The following COL5A2 variants were observed in gnomAD, a reference collection of about 807,000 sequenced individuals.
COL5A2 encodes the protein collagen type V alpha 2 chain.
In COL5A2, 23 loss-of-function variants were observed where a neutral mutation model predicts 208.2. That is an observed-to-expected ratio of 0.11 (90% CI 0.08 to 0.16). COL5A2 has a LOEUF of 0.16. COL5A2 is among the 10% of genes least tolerant of loss of function. The probability of loss-of-function intolerance (pLI) is 1.00; values close to 1 mark genes in which losing one functional copy is unlikely to be tolerated. For missense variants in COL5A2, 1,590 were observed against 1,956.4 expected (o/e 0.81, Z 3.53); for synonymous variants, 625 against 628.5 (o/e 0.99, Z 0.08).
At chr2:189,364,988 T>C in the COL5A2 span, among the ~76,000 whole-genome samples, 13 of 152,256 alleles carry the variant, frequency 8.5e-5, no homozygotes, top group African/African-American at 2.9e-4. Context: ...AATCTGAAAC[T>C]TTTAAAAAGT....
At chr2:189,066,904 G>A (rs1686164908) in intron 21 of COL5A2, 122 bp from the exon 22 acceptor site, 1 of 743,188 alleles carries the variant, frequency 1.3e-6, no homozygotes, top group South Asian at 1.5e-5. Context: ...TGCATCAGTA[G>A]TATAATATAA....
At chr2:189,063,944 T>C (rs1686088711) in intron 26 of COL5A2, 36 bp downstream of exon 26, 3 of 1,550,164 alleles carry the variant, frequency 1.9e-6, no homozygotes, top group African/African-American at 2.7e-5. Context: ...TGTTGAAAAA[T>C]ATTAGTGGTT....
intron 6 of COL5A2, 76 bp downstream of exon 6, chr2:189,097,201 T>G: frequency 7.1e-7 from 1 of 1,404,904 alleles, no homozygotes; most frequent in Middle Eastern, 1.8e-4. Flanking sequence ...GCTCCCAGCT[T>G]CTTGCTGCAT....
At chr2:189,092,206 A>C in intron 7 of COL5A2, 104 bp downstream of exon 7, 1 of 777,202 alleles carries the variant, frequency 1.3e-6, no homozygotes, top group Non-Finnish European at 2.3e-6. Context: ...CTGCTCTTAC[A>C]GTCAAGTGTC....
chr2:189,284,198 CTAATTT>C, the COL5A2 span, among the ~76,000 whole-genome samples: 32 of 152,144 alleles, frequency 2.1e-4, no homozygotes, highest in African/African-American at 7.7e-4. Context: ...TGTTTTAATT[CTAATTT>C]TAATTATCAA....
the COL5A2 span, among the ~76,000 whole-genome samples, chr2:189,414,458 G>A: frequency 1.3e-5 from 2 of 151,922 alleles, no homozygotes. Context: ...AAGACCCTAA[G>A]AATGTTTCCC....
At chr2:189,077,670 A>G (rs1273982349) in intron 16 of COL5A2, among the ~76,000 whole-genome samples, 1 of 152,230 alleles carries the variant, frequency 6.6e-6, no homozygotes, top group Non-Finnish European at 1.5e-5. Flanking sequence ...TCTGCTTACT[A>G]AAGTGATAAA....
At chr2:189,250,627 T>A in the COL5A2 span, among the ~76,000 whole-genome samples, 1 of 152,122 alleles carries the variant, frequency 6.6e-6, no homozygotes. Context: ...GGGATAAGTA[T>A]CCCTCTTCCT....
intron 1 of COL5A2, among the ~76,000 whole-genome samples, chr2:189,197,119 G>A (rs1689011966): frequency 6.6e-6 from 1 of 152,136 alleles, no homozygotes; most frequent in African/African-American, 2.4e-5. Context: ...AAAGGAATGA[G>A]ATCATGTCCT....
At chr2:189,286,701 A>G in the COL5A2 span, among the ~76,000 whole-genome samples, 1 of 152,328 alleles carries the variant, frequency 6.6e-6, no homozygotes, top group Admixed American at 6.5e-5. Context: ...TAAATCCTTA[A>G]AAGAATTCTT....
chr2:189,197,128 C>A (rs1040016811), intron 1 of COL5A2, among the ~76,000 whole-genome samples: 2 of 152,144 alleles, frequency 1.3e-5, no homozygotes, highest in Non-Finnish European at 2.9e-5. Flanking sequence ...AGATCATGTC[C>A]TTTGCAGGGG....
the COL5A2 span, among the ~76,000 whole-genome samples, chr2:189,405,098 A>G: frequency 6.6e-6 from 1 of 152,210 alleles, no homozygotes; most frequent in East Asian, 1.9e-4. Flanking sequence ...TGGTACACAG[A>G]AAGTTCTTTA....
chr2:189,158,271 A>AT (rs1688294469), intron 1 of COL5A2, among the ~76,000 whole-genome samples: 1 of 152,060 alleles, frequency 6.6e-6, no homozygotes, highest in South Asian at 2.1e-4. Flanking sequence ...AAGCCAAAAC[A>AT]TTTTTGCAAT....
intron 1 of COL5A2, among the ~76,000 whole-genome samples, chr2:189,187,827 G>T (rs1688872413): frequency 6.6e-6 from 1 of 152,066 alleles, no homozygotes; most frequent in South Asian, 2.1e-4. Context: ...AAATTAGCCA[G>T]GCGTGGTGGT....
At chr2:189,103,434 C>A (rs1250523770) in intron 3 of COL5A2, among the ~76,000 whole-genome samples, 2 of 151,944 alleles carry the variant, frequency 1.3e-5, no homozygotes, top group African/African-American at 4.8e-5. Context: ...TATTAAAGTT[C>A]CACTGTGTGC....
At chr2:189,403,417 C>T in the COL5A2 span, among the ~76,000 whole-genome samples, 3 of 152,128 alleles carry the variant, frequency 2.0e-5, no homozygotes, top group South Asian at 6.2e-4. Context: ...CTCTTTATTT[C>T]TTGCCTGATT....
At chr2:189,312,808 G>T in the COL5A2 span, among the ~76,000 whole-genome samples, 1 of 151,650 alleles carries the variant, frequency 6.6e-6, no homozygotes, top group Non-Finnish European at 1.5e-5. Flanking sequence ...AGTTGATTAG[G>T]GACTAGAAAA....
the COL5A2 span, among the ~76,000 whole-genome samples, chr2:189,371,501 G>C: frequency 6.6e-6 from 1 of 152,200 alleles, no homozygotes; most frequent in Non-Finnish European, 1.5e-5. Flanking sequence ...AGACAGTGGA[G>C]GCTAGGCTGA....
At chr2:189,080,739 C>T (rs1215773039) in intron 13 of COL5A2, among the ~76,000 whole-genome samples, 1 of 152,124 alleles carries the variant, frequency 6.6e-6, no homozygotes, top group Non-Finnish European at 1.5e-5. Flanking sequence ...TCATTCATCA[C>T]TGTACCCTCT....
Sources: gnomAD v4.1 joint callset for allele counts (sites outside exome capture counted in the v4.1 genomes callset) on GRCh38, gnomAD v4.1.1 for gene constraint, MANE v1.5 for transcripts, NCBI Gene and HGNC (gene_info 2026-07-23, HGNC 2026-07-21) for gene names.